BRD4: variants seen among roughly 807,000 people sequenced by gnomAD.
BRD4 encodes bromodomain containing 4.
BRD4 carries 16 observed loss-of-function variants against 142.1 expected under a neutral mutation model. That is an observed-to-expected ratio of 0.11 (90% CI 0.08 to 0.17). The LOEUF (loss-of-function observed/expected upper bound fraction) is 0.17, where lower values mean the gene tolerates loss of function less well. Ranked by LOEUF, BRD4 falls within the 10% of genes least tolerant of loss-of-function variation. The pLI is 1.00. For synonymous variants in BRD4, 833 were observed against 707.5 expected (o/e 1.18, Z -2.82); for missense variants, 1,424 against 1,810.9 (o/e 0.79, Z 3.88).
At position 15,240,040 on chromosome 19, in the gene BRD4, G is replaced by C. The variant is rs146449278; in HGVS notation, c.3170-18C>G. 8 of 1,600,764 alleles carry C rather than the reference G, an allele frequency of 5.0e-6. No homozygotes were observed. The East Asian group carries it at 1.8e-4, about 36-fold the overall frequency. ...GAGGTGACCTAGGAGAAGGGACAAG[G>C]AATGTGTCAAGGGGCTGGCTTAGAA... On this transcript the variant is annotated intron_variant, in intron 14 of 19. Coordinates refer to ENST00000679869, the MANE Select transcript of BRD4 (RefSeq NM_001379291.1).
chr19:15,272,736 C>T (rs544451055), intron 2 of BRD4, 79 bp downstream of exon 2: 4 of 1,403,892 alleles, frequency 2.8e-6, no homozygotes, highest in East Asian at 2.5e-5. Context: ...TACCCTCCCC[C>T]CAGGAACTGC....
At chr19:15,273,217 C>G in intron 1 of BRD4, 84 bp from the exon 2 acceptor site, 1 of 1,380,942 alleles carries the variant, frequency 7.2e-7, no homozygotes. Context: ...TGGCTGTGGT[C>G]TCCAAGGACT....
intron 1 of BRD4, among the ~76,000 whole-genome samples, chr19:15,308,367 TTA>T: frequency 6.6e-6 from 1 of 150,488 alleles, no homozygotes; most frequent in African/African-American, 2.4e-5. Flanking sequence ...GGCGGGTGAA[TTA>T]CGATGTCAGG....
intron 1 of BRD4, 94 bp from the exon 2 acceptor site, chr19:15,273,227 T>A: frequency 7.6e-7 from 1 of 1,312,000 alleles, no homozygotes; most frequent in Non-Finnish European, 1.0e-6. Flanking sequence ...CTCCAAGGAC[T>A]GAGTTCCCTG....
chr19:15,312,492 C>G (rs141874413), intron 1 of BRD4, among the ~76,000 whole-genome samples: 6 of 151,872 alleles, frequency 4.0e-5, no homozygotes, highest in African/African-American at 1.5e-4. Context: ...ATTAGCTGGG[C>G]GTGGTGGTGT....
Position 15,238,501 on chromosome 19 carries a change from C to T in BRD4, c.4021-56G>A, listed in dbSNP as rs1246386224. The stretch of plus-strand genomic sequence containing the variant: ...GGATGACCTAGCCACCCTGCAGCTA[C>T]AAGCCCTCATACCCGCTACCAGCAG... On this transcript the variant is annotated intron_variant, in intron 19 of 19. Coordinates refer to ENST00000679869, the MANE Select transcript of BRD4 (RefSeq NM_001379291.1). The surrounding 1 kb of genome is among the most constrained non-coding windows in gnomAD (Gnocchi z 7.2). 6.2e-7 allele frequency: 1 copy of T among 1,612,022 alleles called. No individual in the cohort carries two copies. Among genetic ancestry groups the T allele is most frequent in the East Asian group, 2.2e-5 (1 of 44,874 alleles).
At position 15,286,551 on chromosome 19, in the gene BRD4, A is replaced by G. The variant is rs1398089144; in HGVS notation, c.-34-13418T>C. The stretch of plus-strand genomic sequence containing the variant: ...ATTAACAGAGAAAGCAGGTATGCTT[A>G]CCCAAAATACCATTTCGACATATAA... On this transcript the variant is annotated intron_variant, in intron 1 of 19. Transcript: ENST00000679869. Among the ~76,000 whole-genome samples the G allele has an allele frequency of 2.0e-5, 3 of 152,230 alleles. 1 individual carries two copies. The highest frequency in any genetic ancestry group is 2.0e-4 in the Admixed American group (3 of 15,290).
At chr19:15,265,275 G>A in intron 5 of BRD4, 79 bp downstream of exon 5, 1 of 1,326,848 alleles carries the variant, frequency 7.5e-7, no homozygotes, top group South Asian at 1.7e-5. Context: ...ACCCAGGACA[G>A]GCTCTGTGTA....
chr19:15,251,748 C>A (rs568908196), intron 11 of BRD4, among the ~76,000 whole-genome samples: 5 of 152,316 alleles, frequency 3.3e-5, no homozygotes, highest in Admixed American at 2.6e-4. Context: ...CTCGCAGCGG[C>A]CCCTCCTGAG....
At chr19:15,244,172 C>A in intron 13 of BRD4, 59 bp downstream of exon 13, 1 of 1,535,250 alleles carries the variant, frequency 6.5e-7, no homozygotes, top group Non-Finnish European at 8.7e-7. Context: ...TCGGACACCA[C>A]ATGGGTAAAC....
chr19:15,257,151 G>A lies in BRD4; in HGVS notation c.1364C>T (p.Ala455Val), dbSNP rs2145576541. Residue 455 changes from alanine (A) to valine (V), a missense_variant, in exon 8 of 20, where the codon GCC (alanine) becomes GTC (valine). By Grantham distance (64) the Ala-to-Val change is moderately conservative. Around this residue, in one of 16 missense-constraint regions of BRD4, gnomAD observed 90 missense variants for 93.2 expected, o/e 0.97. Coordinates refer to ENST00000679869, the MANE Select transcript of BRD4 (RefSeq NM_001379291.1). ...KLQDVFEMRF[A>V]KMPDEPEEPV... ...CTCCTCAGGCTCGTCCGGCATCTTG[G>A]CAAAGCGCATTTCGAACACATCCTG... 6.2e-7 allele frequency: 1 copy of A among 1,607,852 alleles called. No homozygotes were observed.
chr19:15,313,572 A>G (rs566051283), intron 1 of BRD4, among the ~76,000 whole-genome samples: 35 of 151,680 alleles, frequency 2.3e-4, no homozygotes, highest in Non-Finnish European at 4.9e-4. Flanking sequence ...GCTGCTCAGG[A>G]GGCTGAGGCA....
At chr19:15,283,739 A>G (rs2047721363) in intron 1 of BRD4, among the ~76,000 whole-genome samples, 1 of 152,238 alleles carries the variant, frequency 6.6e-6, no homozygotes, top group Non-Finnish European at 1.5e-5. Context: ...CGCCCGGGTG[A>G]GTAAGCAAGA....
chr19:15,277,289 G>C (rs528817983), intron 1 of BRD4, among the ~76,000 whole-genome samples: 3 of 152,286 alleles, frequency 2.0e-5, no homozygotes, highest in African/African-American at 7.2e-5. Flanking sequence ...TGTTCCCAGT[G>C]TAGAAGAAAA....
At chr19:15,325,241 A>G (rs188432118) in intron 1 of BRD4, among the ~76,000 whole-genome samples, 49 of 152,350 alleles carry the variant, frequency 3.2e-4, no homozygotes, top group African/African-American at 9.9e-4. Flanking sequence ...TGAATGTTAC[A>G]CAGCAGGTAG....
intron 7 of BRD4, among the ~76,000 whole-genome samples, chr19:15,262,585 T>C (rs943943497): frequency 7.0e-6 from 1 of 142,626 alleles, no homozygotes; most frequent in Non-Finnish European, 1.5e-5. Flanking sequence ...TAGCTGGGCA[T>C]GGTGGTGCAA....
At chr19:15,283,132 A>C (rs969429794) in intron 1 of BRD4, among the ~76,000 whole-genome samples, 2 of 152,114 alleles carry the variant, frequency 1.3e-5, no homozygotes, top group Non-Finnish European at 2.9e-5. Flanking sequence ...TCTGCTTAAG[A>C]GGGGTGTTTC....
intron 11 of BRD4, chr19:15,249,387 C>T (rs2145539765): frequency 6.3e-7 from 1 of 1,598,510 alleles, no homozygotes; most frequent in Non-Finnish European, 8.5e-7. Context: ...AGCCAACCTC[C>T]TGCGCCCTGG....
At position 15,239,277 on chromosome 19, in the gene BRD4, G is replaced by C. The variant is rs201489245; in HGVS notation, c.3577-13C>G. The C allele has an allele frequency of 5.0e-6, 8 of 1,613,264 alleles. No individual in the cohort carries two copies. In the African/African-American group the frequency reaches 6.7e-5, roughly 13 times the overall value. On this transcript the variant is annotated splice_polypyrimidine_tract_variant and intron_variant, in intron 17 of 19. Transcript: ENST00000679869. This position sits in a 1 kb window ranked among gnomAD's most constrained non-coding sequence, Gnocchi z 7.4. ...TGATTTTCAGGTCCTGCAGAACAGA[G>C]AGGTTGGGGTGGGTGAGGGGTCTGC... is the stretch of plus-strand genomic sequence containing the variant.
Sources: gnomAD v4.1 joint callset for allele counts (sites outside exome capture counted in the v4.1 genomes callset) on GRCh38, gnomAD v4.1.1 for gene constraint, gnomAD v4.1.1 regional missense constraint, Gnocchi (gnomAD v3.1) non-coding constraint, MANE v1.5 for transcripts, NCBI Gene and HGNC (gene_info 2026-07-23, HGNC 2026-07-21) for gene names.